The following MCTP2 variants were observed in gnomAD, a reference collection of about 807,000 sequenced individuals.
MCTP2 encodes multiple C2 and transmembrane domain-containing protein 2.
Under a neutral mutation model 111.6 loss-of-function variants are expected in MCTP2, and 132 were observed. That is an observed-to-expected ratio of 1.18 (90% CI 1.03 to 1.37). The LOEUF (loss-of-function observed/expected upper bound fraction) is 1.37. MCTP2 is among the 40% of genes most tolerant of loss of function. The pLI is 0.00. For synonymous variants in MCTP2, 395 were observed against 387.7 expected (o/e 1.02, Z -0.22); for missense variants, 1,183 against 1,067.9 (o/e 1.11, Z -1.50).
At position 94,369,949 on chromosome 15, in the gene MCTP2, A is replaced by G. The variant is rs904728573; in HGVS notation, c.1489-138A>G. The G allele has an allele frequency of 1.4e-5, 7 of 502,046 alleles. No homozygotes were observed. The African/African-American group carries it at 1.4e-4, about 10-fold the overall frequency. 31.1% of individuals were successfully genotyped at this position (502,046 alleles called of 1,614,324 possible). ...GTGCCTAACCGTCCTGTTATATAAT[A>G]TATTTTTGGGGATTTTTTTTTAAAG... On this transcript the variant is annotated intron_variant, in intron 11 of 22. Transcript: ENST00000357742.
At chr15:94,317,706 A>G (rs951740281) in intron 4 of MCTP2, among the ~76,000 whole-genome samples, 1 of 152,124 alleles carries the variant, frequency 6.6e-6, no homozygotes, top group African/African-American at 2.4e-5. Context: ...TCTACTGCTC[A>G]TGTCTCTGGA....
Position 94,356,251 on chromosome 15 carries a change from A to C in MCTP2, c.1120A>C (p.Thr374Pro). The C allele has an allele frequency of 6.2e-7, 1 of 1,612,946 alleles. No homozygotes were observed. The highest frequency in any genetic ancestry group is 8.5e-7 in the Non-Finnish European group (1 of 1,179,388). ...GAAGAATGTCTCAGGAGGAAGCATGACAGAGATGTTTGTCCAGTTAAAACT... is the reference window on the plus strand; with the variant it reads ...GAAGAATGTCTCAGGAGGAAGCATGCCAGAGATGTTTGTCCAGTTAAAACT... ...EGKNVSGGSM[T>P]EMFVQLKLGD... The change falls in exon 9 of 23, where the codon ACA becomes CCA. Residue 374 changes from threonine to proline, a missense_variant. Physicochemically the swap from Thr to Pro is conservative, Grantham distance 38 (BLOSUM62 -1). Transcript: ENST00000357742.
rs1336315619 is a variant in MCTP2 at position 94,470,794 on chromosome 15, C to T, written c.2470+352C>T. Among the ~76,000 whole-genome samples the T allele has an allele frequency of 2.7e-5, 4 of 150,100 alleles. No homozygotes were observed. In the Admixed American group the frequency reaches 2.7e-4, roughly 10 times the overall value. ...CAAACAGTGAGCAAACACCTACCTG[C>T]ATCATGCCCTTGATATTATGTAAAA... On this transcript the variant is annotated intron_variant, in intron 21 of 22. Coordinates refer to ENST00000357742, the MANE Select transcript of MCTP2 (RefSeq NM_001385001.1).
chr15:94,313,736 A>G (rs1320277135), intron 2 of MCTP2, among the ~76,000 whole-genome samples: 1 of 152,028 alleles, frequency 6.6e-6, no homozygotes, highest in African/African-American at 2.4e-5. Flanking sequence ...TGGGAAACAT[A>G]GACACCTCTC....
intron 10 of MCTP2, among the ~76,000 whole-genome samples, chr15:94,366,642 C>T (rs1310844710): frequency 6.6e-6 from 1 of 152,092 alleles, no homozygotes; most frequent in Non-Finnish European, 1.5e-5. Context: ...GGGAGCAGTG[C>T]TTCCATCCTT....
chr15:94,414,992 C>G (rs1005955233), intron 17 of MCTP2, among the ~76,000 whole-genome samples: 1 of 152,120 alleles, frequency 6.6e-6, no homozygotes, highest in African/African-American at 2.4e-5. Flanking sequence ...TGACTGCAGT[C>G]CAGCCTGAGA....
At chr15:94,474,729 C>T (rs187461428) in intron 21 of MCTP2, among the ~76,000 whole-genome samples, 1 of 152,166 alleles carries the variant, frequency 6.6e-6, no homozygotes. Flanking sequence ...TCTGTGATTT[C>T]CTGTTGACAG....
intron 1 of MCTP2, among the ~76,000 whole-genome samples, chr15:94,252,579 C>A (rs1033730750): frequency 1.3e-5 from 2 of 151,702 alleles, no homozygotes; most frequent in Non-Finnish European, 2.9e-5. Context: ...TGAGGTGACA[C>A]AGAGTGGAGA....
At chr15:94,243,647 AT>A (rs2071325929) in intron 1 of MCTP2, among the ~76,000 whole-genome samples, 1 of 149,022 alleles carries the variant, frequency 6.7e-6, no homozygotes, top group African/African-American at 2.5e-5. Context: ...ATACATATAT[AT>A]GTATACACAT....
At chr15:94,343,300 T>C (rs2077766185) in intron 7 of MCTP2, 1 of 152,136 alleles carries the variant, frequency 6.6e-6, no homozygotes, top group African/African-American at 2.4e-5. Flanking sequence ...ATATTGGGAT[T>C]TTAAGTGGGA....
At chr15:94,406,881 A>G (rs889031588) in intron 17 of MCTP2, among the ~76,000 whole-genome samples, 1 of 140,704 alleles carries the variant, frequency 7.1e-6, no homozygotes, top group Non-Finnish European at 1.5e-5. Context: ...TTTTTTAAGT[A>G]TTCCAAGTTG....
At chr15:94,463,019 G>A (rs56077025) in intron 20 of MCTP2, among the ~76,000 whole-genome samples, 45 of 152,286 alleles carry the variant, frequency 3.0e-4, no homozygotes, top group Non-Finnish European at 6.6e-4. Context: ...GGGTCGCTGA[G>A]GGGAAAATGC....
At chr15:94,247,283 C>T (rs1007902168) in intron 1 of MCTP2, among the ~76,000 whole-genome samples, 1 of 152,076 alleles carries the variant, frequency 6.6e-6, no homozygotes, top group East Asian at 1.9e-4. Context: ...TCCTGGGTGC[C>T]TCACCTGCTG....
At chr15:94,466,433 AT>A (rs1375558785) in intron 20 of MCTP2, among the ~76,000 whole-genome samples, 1 of 151,836 alleles carries the variant, frequency 6.6e-6, no homozygotes, top group Admixed American at 6.6e-5. Flanking sequence ...CCTTTCTTAA[AT>A]TTTTTTGCTT....
intron 1 of MCTP2, among the ~76,000 whole-genome samples, chr15:94,243,902 C>A (rs1222076988): frequency 2.8e-5 from 4 of 140,420 alleles, no homozygotes; most frequent in Admixed American, 2.8e-4. Context: ...TATGTATACA[C>A]ATACATATGT....
Position 94,400,461 on chromosome 15 carries a change from C to T in MCTP2, c.1965+466C>T, listed in dbSNP as rs572672424. On this transcript the variant is annotated intron_variant, in intron 16 of 22. Coordinates refer to ENST00000357742, the MANE Select transcript of MCTP2 (RefSeq NM_001385001.1). ...TCGCTCATGACTGCTCCTACCACTT[C>T]GGCGTGGTCTAAATTTGGGATGTGT... Among the ~76,000 whole-genome samples, 8 of 152,198 alleles carry T rather than the reference C, an allele frequency of 5.3e-5. No individual in the cohort carries two copies. In the East Asian group the frequency reaches 7.7e-4, roughly 15 times the overall value.
At chr15:94,383,188 G>T (rs545254900) in intron 12 of MCTP2, among the ~76,000 whole-genome samples, 1 of 152,150 alleles carries the variant, frequency 6.6e-6, no homozygotes, top group Non-Finnish European at 1.5e-5. Flanking sequence ...GTGACCATTT[G>T]CTCAGGAGCA....
At chr15:94,323,187 A>G (rs1254122997) in intron 4 of MCTP2, among the ~76,000 whole-genome samples, 1 of 152,234 alleles carries the variant, frequency 6.6e-6, no homozygotes, top group Non-Finnish European at 1.5e-5. Flanking sequence ...TTCTTTAGAA[A>G]GACTCACAAG....
chr15:94,300,366 C>T (rs539294212), intron 2 of MCTP2, among the ~76,000 whole-genome samples: 42 of 151,852 alleles, frequency 2.8e-4, no homozygotes, highest in African/African-American at 9.4e-4. Context: ...AAAAATTAGC[C>T]GGGCGTGGTG....
Sources: allele counts gnomAD v4.1 joint callset (sites outside exome capture counted in the v4.1 genomes callset), GRCh38; gene constraint gnomAD v4.1.1; transcripts MANE v1.5; gene names NCBI Gene and HGNC (gene_info 2026-07-23, HGNC 2026-07-21).